The following PRKCZ variants were observed in gnomAD, a reference collection of about 807,000 sequenced individuals.
PRKCZ encodes the protein protein kinase C zeta.
PRKCZ carries 33 observed loss-of-function variants against 79.5 expected under a neutral mutation model. The ratio of observed to expected loss-of-function variants is 0.41; its 90% confidence interval spans 0.31 to 0.55. The LOEUF (loss-of-function observed/expected upper bound fraction) is 0.55. Ranked by LOEUF, PRKCZ falls within the 20% of genes least tolerant of loss-of-function variation. The pLI is 0.19. For synonymous variants in PRKCZ, 342 were observed against 320.9 expected (o/e 1.07, Z -0.70); for missense variants, 578 against 813.5 (o/e 0.71, Z 3.52).
intron 5 of PRKCZ, among the ~76,000 whole-genome samples, chr1:2,137,856 G>T (rs535802500): frequency 6.6e-6 from 1 of 151,066 alleles, no homozygotes; most frequent in African/African-American, 2.4e-5. Context: ...CCACAGCCCC[G>T]CTCTGCTGTG....
chr1:2,107,024 G>A (rs979487056), intron 4 of PRKCZ, among the ~76,000 whole-genome samples: 8 of 148,980 alleles, frequency 5.4e-5, no homozygotes, highest in Non-Finnish European at 9.0e-5. Flanking sequence ...CGGTTTCTCC[G>A]GCTCGGCTGT....
At chr1:2,116,870 G>C (rs1670853564) in intron 4 of PRKCZ, among the ~76,000 whole-genome samples, 2 of 152,188 alleles carry the variant, frequency 1.3e-5, no homozygotes, top group African/African-American at 4.8e-5. Flanking sequence ...TTCTTGATCA[G>C]TATGGGAGAT....
Position 2,148,856 on chromosome 1 carries a change from C to G in PRKCZ, c.635-16C>G, listed in dbSNP as rs759876070. 15 of 1,613,530 alleles carry G rather than the reference C, an allele frequency of 9.3e-6. No individual in the cohort carries two copies. Among genetic ancestry groups the G allele is most frequent in the Non-Finnish European group, 1.3e-5 (15 of 1,179,554 alleles). ...ACCACACCGTAACGCCCCTTCCTTCCTCCCTCTCTCACCAGTTGCTTACAT... is the reference window on the plus strand; with the variant it reads ...ACCACACCGTAACGCCCCTTCCTTCGTCCCTCTCTCACCAGTTGCTTACAT... On this transcript the variant is annotated splice_polypyrimidine_tract_variant and intron_variant, in intron 7 of 17. Transcript: ENST00000378567.
intron 4 of PRKCZ, among the ~76,000 whole-genome samples, chr1:2,072,214 G>A (rs1661662601): frequency 6.6e-6 from 1 of 152,350 alleles, no homozygotes; most frequent in Admixed American, 6.5e-5. Context: ...CGTGCCTCGT[G>A]GTGAGCTGCT....
rs1186226284 is a variant in PRKCZ, at chr1:2,075,133, G to A, written c.334+15542G>A. On this transcript the variant is annotated intron_variant, in intron 4 of 17. Transcript: ENST00000378567. The surrounding 1 kb of genome is among the most constrained non-coding windows in gnomAD (Gnocchi z 4.8). ...AGTGATGAAGATTCTGTGTTGATGG[G>A]GTGAGTGGGAGAGAGACGGAGCTGG... is the stretch of plus-strand genomic sequence containing the variant. The A allele has an allele frequency of 6.6e-6, 1 of 152,352 alleles. No homozygotes were observed. Among genetic ancestry groups the A allele is most frequent in the Non-Finnish European group, 1.5e-5 (1 of 68,146 alleles). 9.4% of individuals were successfully genotyped at this position (152,352 alleles called of 1,614,324 possible).
At chr1:2,055,668 G>A (rs1169891850) in intron 2 of PRKCZ, 106 bp downstream of exon 2, 30 of 1,458,334 alleles carry the variant, frequency 2.1e-5, no homozygotes, top group South Asian at 4.3e-5. Flanking sequence ...GAGACTTAAA[G>A]CTGTGGAATT....
intron 4 of PRKCZ, chr1:2,098,305 A>G (rs1216983924): frequency 6.6e-6 from 1 of 152,282 alleles, no homozygotes; most frequent in Non-Finnish European, 1.5e-5. Context: ...TTAACAATTT[A>G]CAGGCTAAAA....
chr1:2,073,555 T>A, intron 4 of PRKCZ: 2 of 912,598 alleles, frequency 2.2e-6, no homozygotes, highest in Non-Finnish European at 2.6e-6. Context: ...TGCCTGGGTC[T>A]GGCTGCTGCC....
intron 16 of PRKCZ, among the ~76,000 whole-genome samples, chr1:2,181,077 T>G (rs1293119427): frequency 7.9e-6 from 1 of 125,926 alleles, no homozygotes; most frequent in Admixed American, 8.4e-5. Flanking sequence ...CCAGCCCTGC[T>G]GCTTCTCCCC....
chr1:2,169,108 G>A (rs761052266), intron 10 of PRKCZ: 16 of 456,044 alleles, frequency 3.5e-5, no homozygotes, highest in Admixed American at 1.2e-4. Flanking sequence ...CACCCCACCC[G>A]TGACCTGCGG....
Position 2,179,490 on chromosome 1 carries a change from G to A in PRKCZ, c.1575+4177G>A, listed in dbSNP as rs77385275. Among the ~76,000 whole-genome samples, 963 of 152,336 alleles carry A rather than the reference G, an allele frequency of 6.3e-3. 2 individuals are homozygous for A. Among genetic ancestry groups the A allele is most frequent in the Non-Finnish European group, 0.011 (735 of 68,030 alleles). On this transcript the variant is annotated intron_variant, in intron 16 of 17. Coordinates refer to ENST00000378567, the MANE Select transcript of PRKCZ (RefSeq NM_002744.6). ...CTATCAGGAGTCTGAGATTTGAAGC[G>A]ATGGATTTCCCAGCATGGTCCCAGC...
chr1:2,108,982 C>T (rs1332191133), intron 4 of PRKCZ, among the ~76,000 whole-genome samples: 1 of 152,178 alleles, frequency 6.6e-6, no homozygotes, highest in Non-Finnish European at 1.5e-5. Flanking sequence ...TGGTGCAGCC[C>T]TGAGTCACCC....
chr1:2,124,900 C>T (rs1198880749), intron 4 of PRKCZ, among the ~76,000 whole-genome samples: 1 of 152,090 alleles, frequency 6.6e-6, no homozygotes, highest in Admixed American at 6.6e-5. Context: ...CAGCTTTCGT[C>T]GATTGTTCGT....
chr1:2,053,098 C>T (rs989272385), intron 1 of PRKCZ, among the ~76,000 whole-genome samples: 1 of 151,150 alleles, frequency 6.6e-6, no homozygotes, highest in Non-Finnish European at 1.5e-5. Context: ...GCTGGCTCTT[C>T]CCTCTTTCAG....
At chr1:2,106,585 A>G (rs80289785) in intron 4 of PRKCZ, among the ~76,000 whole-genome samples, 669 of 9,612 alleles carry the variant, frequency 0.07, 133 homozygotes, top group East Asian at 0.13. Flanking sequence ...AAGCCCCTCC[A>G]GTGGGCGAGG....
chr1:2,132,099 C>T (rs1675099319), intron 4 of PRKCZ, among the ~76,000 whole-genome samples: 1 of 152,222 alleles, frequency 6.6e-6, no homozygotes, highest in African/African-American at 2.4e-5. Context: ...GCGGGAGCCA[C>T]CGTGCCTAGT....
At chr1:2,111,094 T>C (rs1461928994) in intron 4 of PRKCZ, among the ~76,000 whole-genome samples, 1 of 151,958 alleles carries the variant, frequency 6.6e-6, no homozygotes, top group African/African-American at 2.4e-5. Flanking sequence ...AAGTTGGGCC[T>C]GCTGCACCCA....
At chr1:2,114,858 G>A (rs1670435412) in intron 4 of PRKCZ, among the ~76,000 whole-genome samples, 1 of 152,208 alleles carries the variant, frequency 6.6e-6, no homozygotes, top group South Asian at 2.1e-4. Context: ...CTTATGGAAA[G>A]AATGTTACGG....
intron 5 of PRKCZ, 163 bp from the exon 6 acceptor site, chr1:2,144,047 A>G (rs770344543): frequency 1.2e-5 from 12 of 1,011,616 alleles, no homozygotes; most frequent in Non-Finnish European, 1.6e-5. Context: ...GGAGGCTCTC[A>G]AGCTTGGGCA....
Sources: allele counts gnomAD v4.1 joint callset (sites outside exome capture counted in the v4.1 genomes callset), GRCh38; gene constraint gnomAD v4.1.1; non-coding constraint Gnocchi (gnomAD v3.1); transcripts MANE v1.5; gene names NCBI Gene and HGNC (gene_info 2026-07-23, HGNC 2026-07-21).